PCDH7: variants seen among roughly 807,000 people sequenced by gnomAD.
PCDH7 encodes the protein protocadherin 7, also known as protocadherin-7.
A neutral mutation model predicts 58.9 loss-of-function variants in PCDH7; 17 were observed. The ratio of observed to expected loss-of-function variants is 0.29; its 90% CI spans 0.20 to 0.43. PCDH7 has a LOEUF of 0.43. Ranked by LOEUF, PCDH7 falls within the 20% of genes least tolerant of loss-of-function variation. PCDH7 has a pLI of 1.00. For synonymous variants in PCDH7, 664 were observed against 616.4 expected, an observed-to-expected ratio of 1.08 and a Z score of -1.14; for missense variants, 1,274 against 1,441.0, an observed-to-expected ratio of 0.88 and a Z score of 1.88.
At chr4:30,884,120 C>A (rs913726182) in intron 1 of PCDH7, among the ~76,000 whole-genome samples, 2 of 152,042 alleles carry the variant, frequency 1.3e-5, no homozygotes, top group African/African-American at 2.4e-5. Flanking sequence ...AATACCATGA[C>A]CAATAATTTG....
chr4:30,798,276 A>G (rs948134078), intron 1 of PCDH7, among the ~76,000 whole-genome samples: 1 of 152,196 alleles, frequency 6.6e-6, no homozygotes, highest in African/African-American at 2.4e-5. Flanking sequence ...TTAGAACAAT[A>G]ACTTTCATGA....
Position 30,976,399 on chromosome 4 carries a change from CT to C in PCDH7, c.*7+26203del, listed in dbSNP as rs370648622. On this transcript the variant is annotated intron_variant, in intron 3 of 3. Coordinates refer to the PCDH7 transcript ENST00000509759. Reference sequence around the variant, plus strand: ...AGCCACCACGCCGGGCCATAAAATACTTTTTTTTTTTTTTTTTTTGAGACGG... The same window carrying C: ...AGCCACCACGCCGGGCCATAAAATACTTTTTTTTTTTTTTTTTTGAGACGG... Among the ~76,000 whole-genome samples, 340 of 113,504 alleles carry C rather than the reference CT, an allele frequency of 3.0e-3. 1 individual carries two copies. Among genetic ancestry groups the C allele is most frequent in the African/African-American group, 7.4e-3 (202 of 27,440 alleles). The allele number at this position is 113,504 out of a possible 152,430, so 74.5% of individuals were successfully genotyped here.
chr4:31,068,619 C>T (rs13151017), intron 3 of PCDH7, among the ~76,000 whole-genome samples: 5,926 of 152,030 alleles, frequency 0.039, 400 homozygotes, highest in East Asian at 0.33. Context: ...AGCAAGGTCA[C>T]ACCTCAAATG....
At chr4:31,126,674 G>A (rs140379403) in intron 3 of PCDH7, among the ~76,000 whole-genome samples, 208 of 152,174 alleles carry the variant, frequency 1.4e-3, no homozygotes, top group African/African-American at 4.9e-3. Flanking sequence ...GCGGAACAGG[G>A]AAAGATGACA....
At chr4:30,736,538 T>A (rs200457455), downstream of PCDH7, among the ~76,000 whole-genome samples, 205 of 114,532 alleles carry the variant, frequency 1.8e-3, 3 homozygotes, top group South Asian at 0.037. Context: ...TTCATTTATT[T>A]TTTTTTTTTT....
At chr4:30,969,762 C>A (rs1749391297) in intron 3 of PCDH7, among the ~76,000 whole-genome samples, 1 of 152,040 alleles carries the variant, frequency 6.6e-6, no homozygotes, top group Non-Finnish European at 1.5e-5. Flanking sequence ...GAACAAAATT[C>A]AAAGTTTTTA....
At chr4:31,034,007 T>C (rs760443931) in intron 3 of PCDH7, among the ~76,000 whole-genome samples, 8 of 152,082 alleles carry the variant, frequency 5.3e-5, no homozygotes, top group Admixed American at 5.2e-4. Flanking sequence ...GGCAGGAGAA[T>C]TGCTTGAGTC....
At chr4:30,938,481 T>TAC (rs35485597) in intron 2 of PCDH7, among the ~76,000 whole-genome samples, 6,152 of 148,698 alleles carry the variant, frequency 0.041, 387 homozygotes, top group African/African-American at 0.14. Flanking sequence ...GGGAAAAACA[T>TAC]ACACACACAC....
At chr4:30,758,602 C>G (rs764836529) in intron 1 of PCDH7, among the ~76,000 whole-genome samples, 7 of 152,122 alleles carry the variant, frequency 4.6e-5, no homozygotes, top group Non-Finnish European at 1.0e-4. Context: ...AACCACATCT[C>G]CATCTGCAAT....
chr4:31,055,575 A>ATTTTTTTG (rs1337542680), intron 3 of PCDH7, among the ~76,000 whole-genome samples: 1 of 151,702 alleles, frequency 6.6e-6, no homozygotes, highest in Admixed American at 6.6e-5. Flanking sequence ...TTGTTTTTTT[A>ATTTTTTTG]TTTTTTTGTT....
At chr4:31,124,872 T>A (rs991814180) in intron 3 of PCDH7, among the ~76,000 whole-genome samples, 7 of 152,210 alleles carry the variant, frequency 4.6e-5, no homozygotes, top group East Asian at 3.8e-4. Context: ...TTTTTTCTGT[T>A]GTTAAGCATT....
intron 1 of PCDH7, among the ~76,000 whole-genome samples, chr4:30,817,414 G>C (rs557840445): frequency 3.3e-5 from 5 of 152,012 alleles, no homozygotes; most frequent in Non-Finnish European, 7.4e-5. Context: ...ATTATTAGTT[G>C]GTCCTAAGAT....
intron 1 of PCDH7, among the ~76,000 whole-genome samples, chr4:30,779,554 A>C (rs1164757822): frequency 6.6e-6 from 1 of 152,214 alleles, no homozygotes; most frequent in African/African-American, 2.4e-5. Context: ...TTCAACTTAG[A>C]AATTCACGTA....
intron 3 of PCDH7, among the ~76,000 whole-genome samples, chr4:31,082,314 A>G (rs1711600773): frequency 3.3e-5 from 5 of 152,228 alleles, no homozygotes; most frequent in Admixed American, 3.3e-4. Context: ...AGACTAGTGT[A>G]AGGTGAGAAC....
At chr4:31,007,399 T>C (rs1479919826) in intron 3 of PCDH7, among the ~76,000 whole-genome samples, 1 of 152,078 alleles carries the variant, frequency 6.6e-6, no homozygotes, top group Non-Finnish European at 1.5e-5. Context: ...TCTTCCTCTA[T>C]TTTCCTCCTG....
intron 3 of PCDH7, among the ~76,000 whole-genome samples, chr4:31,075,524 G>A (rs576852913): frequency 1.3e-5 from 2 of 152,248 alleles, no homozygotes; most frequent in African/African-American, 4.8e-5. Flanking sequence ...CTATGTCTGA[G>A]ATATGTATAC....
chr4:30,833,504 A>G (rs1341981719), intron 1 of PCDH7, among the ~76,000 whole-genome samples: 1 of 152,102 alleles, frequency 6.6e-6, no homozygotes, highest in Non-Finnish European at 1.5e-5. Flanking sequence ...AAACCAAGAT[A>G]ATCTTCTATT....
chr4:30,788,853 G>C (rs1373336718), intron 1 of PCDH7, among the ~76,000 whole-genome samples: 2 of 152,042 alleles, frequency 1.3e-5, no homozygotes, highest in African/African-American at 4.8e-5. Context: ...CTTTTCAACT[G>C]GGTTTTGGAA....
At chr4:31,066,240 A>G (rs1390074245) in intron 3 of PCDH7, among the ~76,000 whole-genome samples, 1 of 151,910 alleles carries the variant, frequency 6.6e-6, no homozygotes. Flanking sequence ...TGCATATATT[A>G]TGAGGAAAGG....
Sources: gnomAD v4.1 joint callset for allele counts (sites outside exome capture counted in the v4.1 genomes callset) on GRCh38, gnomAD v4.1.1 for gene constraint, MANE v1.5 for transcripts, NCBI Gene and HGNC (gene_info 2026-07-23, HGNC 2026-07-21) for gene names.